The following INTS6 variants were observed in gnomAD, a reference collection of about 807,000 sequenced individuals.
INTS6 encodes the protein integrator complex subunit 6, also known as DEAD box protein.
A neutral mutation model predicts 104.9 loss-of-function variants in INTS6; 16 were observed. The observed-to-expected ratio is 0.15, with a 90% confidence interval of 0.10 to 0.23. The LOEUF (loss-of-function observed/expected upper bound fraction) is 0.23. INTS6 is among the 10% of genes least tolerant of loss of function. The pLI is 1.00. For synonymous variants in INTS6, 324 were observed against 358.7 expected, an observed-to-expected ratio of 0.90 and a Z score of 1.09; for missense variants, 584 against 1,062.8, an observed-to-expected ratio of 0.55 and a Z score of 6.26.
chr13:51,450,225 T>C (rs1953006927), intron 3 of INTS6: 4 of 984,670 alleles, frequency 4.1e-6, no homozygotes, highest in Admixed American at 6.1e-5. Context: ...TGTAACATTA[T>C]ACATTGTTCA....
chr13:51,348,907 A>T, the INTS6 span, among the ~76,000 whole-genome samples: 24 of 92,832 alleles, frequency 2.6e-4, no homozygotes, highest in African/African-American at 1.4e-3. Flanking sequence ...TTGACACTTT[A>T]AGTCTCTGTG....
In INTS6 at chr13:51,389,346, C is replaced by T. The variant is rs778753226; in HGVS notation, c.712G>A (p.Ala238Thr). ...QSGVVINFEK[A>T]GPDPSPVEDG... ...TCTACAGGGGAAGGATCTGGTCCTG[C>T]TTTTTCAAAGTTTATTACCACCCCA... The change falls in exon 6 of 18, where the codon GCA becomes ACA. Residue 238 changes from alanine to threonine, a missense_variant. Transcript: ENST00000311234. 3 of 1,613,520 alleles carry T rather than the reference C, an allele frequency of 1.9e-6. No homozygotes were observed. The highest frequency in any genetic ancestry group is 2.7e-5 in the African/African-American group (2 of 74,938).
intron 4 of INTS6, chr13:51,402,685 T>C (rs1266649236): frequency 6.6e-6 from 1 of 152,192 alleles, no homozygotes; most frequent in Non-Finnish European, 1.5e-5. Flanking sequence ...CAATTTAAAT[T>C]TGGGAAGACT....
At chr13:51,424,056 A>G (rs1956943053) in intron 4 of INTS6, among the ~76,000 whole-genome samples, 1 of 152,076 alleles carries the variant, frequency 6.6e-6, no homozygotes, top group African/African-American at 2.4e-5. Context: ...TTTCAAAGCT[A>G]CTGTTCTAAA....
chr13:51,379,425 A>G, intron 11 of INTS6, 37 bp downstream of exon 11: 1 of 1,323,002 alleles, frequency 7.6e-7, no homozygotes, highest in African/African-American at 1.5e-5. Flanking sequence ...AAAACCATTC[A>G]AAATACTTAA....
At chr13:51,389,596 T>C (rs1323666772) in intron 5 of INTS6, 152 bp from the exon 6 acceptor site, 5 of 655,254 alleles carry the variant, frequency 7.6e-6, no homozygotes, top group Non-Finnish European at 1.1e-5. Flanking sequence ...ACTAATTTCA[T>C]TATCTTATGA....
chr13:51,371,693 T>TTC (rs1422829774), intron 15 of INTS6, among the ~76,000 whole-genome samples: 1 of 151,808 alleles, frequency 6.6e-6, no homozygotes, highest in Non-Finnish European at 1.5e-5. Context: ...TCACAATCTT[T>TTC]TCTCTCTCTC....
At chr13:51,430,432 AC>A in intron 3 of INTS6, 49 bp from the exon 4 acceptor site, 2 of 1,466,664 alleles carry the variant, frequency 1.4e-6, no homozygotes, top group Non-Finnish European at 1.9e-6. Context: ...ACTTTGGCTT[AC>A]AAAGTAAAAA....
chr13:51,362,745 A>G lies in INTS6; in HGVS notation c.*3007T>C, dbSNP rs1425399711. 1 of 152,484 alleles carries G rather than the reference A, an allele frequency of 6.6e-6. No homozygotes were observed. Among genetic ancestry groups the G allele is most frequent in the Non-Finnish European group, 1.5e-5 (1 of 67,932 alleles). 9.4% of individuals were successfully genotyped at this position (152,484 alleles called of 1,614,324 possible). A position where few individuals can be genotyped will look rare whatever the true frequency, so the allele number is the denominator to read the frequency against. ...ATGAAAATTATGCATAGTTTTACAT[A>G]AATTGTTAAGGAAATACTGTCAACA... is the stretch of plus-strand genomic sequence containing the variant. On this transcript the variant is annotated 3_prime_UTR_variant, in exon 18 of 18. Coordinates refer to ENST00000311234, the MANE Select transcript of INTS6 (RefSeq NM_012141.3).
downstream of INTS6, among the ~76,000 whole-genome samples, chr13:51,352,515 A>C (rs1358297083): frequency 6.6e-6 from 1 of 151,950 alleles, no homozygotes; most frequent in Non-Finnish European, 1.5e-5. Flanking sequence ...TCTATGTATA[A>C]GACCAAGTCA....
chr13:51,451,720 GCGCCGCCGC>G lies in INTS6; in HGVS notation c.189+249_189+257del, dbSNP rs551582945. On this transcript the variant is annotated intron_variant, in intron 2 of 17. Coordinates refer to ENST00000311234, the MANE Select transcript of INTS6 (RefSeq NM_012141.3). ...GGAAATGTCGGCCATGTTGATAGCA[GCGCCGCCGC>G]CGCCGCCGCCGCCGCCGCTGCCGGG... 1.2e-3 allele frequency: 241 copies of G among 193,730 alleles called. 3 individuals are homozygous for G. Among genetic ancestry groups the G allele is most frequent in the Middle Eastern group, 8.1e-3 (4 of 496 alleles). 12.0% of individuals were successfully genotyped at this position (193,730 alleles called of 1,614,324 possible). A position where few individuals can be genotyped will look rare whatever the true frequency, so the allele number is the denominator to read the frequency against.
At chr13:51,382,240 G>T in intron 9 of INTS6, 117 bp from the exon 10 acceptor site, 1 of 508,002 alleles carries the variant, frequency 2.0e-6, no homozygotes, top group Admixed American at 3.8e-5. Flanking sequence ...AGTAACATCA[G>T]ACGTTTTTTA....
the INTS6 span, among the ~76,000 whole-genome samples, chr13:51,334,707 C>T: frequency 6.6e-6 from 1 of 152,102 alleles, no homozygotes; most frequent in African/African-American, 2.4e-5. Context: ...TTTGGCCAGG[C>T]ATGGTGGCTC....
At chr13:51,407,514 TA>T (rs1013204761) in intron 4 of INTS6, among the ~76,000 whole-genome samples, 59 of 151,992 alleles carry the variant, frequency 3.9e-4, no homozygotes, top group African/African-American at 1.4e-3. Context: ...ACAAAAATAA[TA>T]GGAATGAAAG....
intron 4 of INTS6, 27 bp downstream of exon 4, chr13:51,430,264 CATA>C: frequency 6.4e-7 from 1 of 1,560,314 alleles, no homozygotes. Flanking sequence ...ACTGCATTTG[CATA>C]ATCCATGTAA....
chr13:51,374,251 A>C lies in INTS6; in HGVS notation c.2061T>G (p.Thr687=). ...IGGKGPPAPT[T]QAQPDLIKPL... is the part of the protein sequence containing the mutation. ...GTTTAATAAGATCTGGCTGTGCTTG[A>C]GTTGTAGGTGCAGGTGGTCCTTTTC... Residue 687 remains threonine (T), a synonymous_variant, in exon 15 of 18, where the codon ACT becomes ACG. Transcript: ENST00000311234. The C allele has an allele frequency of 6.2e-7, 1 of 1,614,082 alleles. No individual in the cohort carries two copies. Among genetic ancestry groups the C allele is most frequent in the Non-Finnish European group, 8.5e-7 (1 of 1,179,950 alleles).
the INTS6 span, chr13:51,344,583 C>T: frequency 2.1e-4 from 194 of 905,608 alleles, 1 homozygote; most frequent in East Asian, 4.2e-3. Context: ...CTCAGGCCAC[C>T]TTCAATTACA....
downstream of INTS6, chr13:51,361,391 C>T (rs773605495): frequency 7.2e-7 from 1 of 1,380,902 alleles, no homozygotes; most frequent in Non-Finnish European, 1.0e-6. Context: ...CCCAGTCACA[C>T]TGCTTACCCA....
chr13:51,354,300 C>T (rs1955446349), exon 4 of INTS6: 1 of 151,988 alleles, frequency 6.6e-6, no homozygotes, highest in Admixed American at 6.6e-5. Flanking sequence ...TCATCTTGGG[C>T]AAGTTTCTTA....
Sources: allele counts gnomAD v4.1 joint callset (sites outside exome capture counted in the v4.1 genomes callset), GRCh38; gene constraint gnomAD v4.1.1; transcripts MANE v1.5; gene names NCBI Gene and HGNC (gene_info 2026-07-23, HGNC 2026-07-21).